The following GRID2 variants were observed in gnomAD, a reference collection of about 807,000 sequenced individuals.
The protein encoded by GRID2 is glutamate ionotropic receptor delta type subunit 2, also known as glutamate receptor ionotropic, delta-2.
A neutral mutation model predicts 114.8 loss-of-function variants in GRID2; 33 were observed. The observed-to-expected ratio is 0.29, with a 90% CI of 0.22 to 0.38. GRID2 has a LOEUF of 0.38. Among genes scored for constraint, GRID2 ranks in the 10% least tolerant of loss-of-function variants. The pLI is 1.00. For missense variants in GRID2, 1,184 were observed against 1,257.7 expected (o/e 0.94, Z 0.89); for synonymous variants, 505 against 449.9 (o/e 1.12, Z -1.55).
chr4:92,384,751 C>A (rs1729858833), intron 1 of GRID2, among the ~76,000 whole-genome samples: 1 of 137,624 alleles, frequency 7.3e-6, no homozygotes, highest in South Asian at 2.2e-4. Flanking sequence ...ATTAGTAAAA[C>A]TTCTGATAAA....
chr4:92,935,865 T>C lies in GRID2; in HGVS notation c.245-149130T>C, dbSNP rs547167365. On this transcript the variant is annotated intron_variant, in intron 2 of 15. Coordinates refer to ENST00000282020, the MANE Select transcript of GRID2 (RefSeq NM_001510.4). ...ACACATGGACACAGGAAGGGGAACA[T>C]CACACTCTGGGGACTGTTGTGGGGT... Among the ~76,000 whole-genome samples the C allele has an allele frequency of 1.4e-3, 171 of 125,382 alleles. 4 individuals are homozygous for C. The highest frequency in any genetic ancestry group is 4.7e-3 in the Admixed American group (46 of 9,708). The allele number at this position is 125,382 out of a possible 152,430, so 82.3% of individuals were successfully genotyped here.
intron 1 of GRID2, among the ~76,000 whole-genome samples, chr4:92,366,084 T>C (rs1372339858): frequency 6.6e-6 from 1 of 152,114 alleles, no homozygotes; most frequent in Non-Finnish European, 1.5e-5. Context: ...ATAGACACTA[T>C]GTCTTTTTTA....
intron 2 of GRID2, among the ~76,000 whole-genome samples, chr4:93,036,319 C>CA (rs1724929344): frequency 6.6e-6 from 1 of 152,076 alleles, no homozygotes; most frequent in Admixed American, 6.6e-5. Flanking sequence ...TAAAAATGAG[C>CA]ATTTACATAT....
chr4:92,467,445 T>C (rs1441149190), intron 1 of GRID2, among the ~76,000 whole-genome samples: 1 of 152,010 alleles, frequency 6.6e-6, no homozygotes, highest in South Asian at 2.1e-4. Flanking sequence ...TAGACTGATG[T>C]ACTACTACAC....
At chr4:93,451,003 CCT>C (rs1445470441) in intron 10 of GRID2, among the ~76,000 whole-genome samples, 2 of 151,612 alleles carry the variant, frequency 1.3e-5, no homozygotes, top group South Asian at 2.1e-4. Flanking sequence ...TATTTAAATA[CCT>C]CTCTCTGTTG....
intron 9 of GRID2, 28 bp from the exon 10 acceptor site, chr4:93,422,743 A>C: frequency 7.7e-6 from 11 of 1,423,852 alleles, no homozygotes; most frequent in Non-Finnish European, 1.1e-5. Context: ...ATAGATTGAC[A>C]TCAGAAATTT....
chr4:93,283,848 TG>T (rs1752889780), intron 8 of GRID2, among the ~76,000 whole-genome samples: 1 of 152,106 alleles, frequency 6.6e-6, no homozygotes, highest in Non-Finnish European at 1.5e-5. Flanking sequence ...TACATTCCAG[TG>T]GCCTTAGAGA....
chr4:93,776,524 G>A (rs1734373157), downstream of GRID2, among the ~76,000 whole-genome samples: 1 of 152,202 alleles, frequency 6.6e-6, no homozygotes, highest in African/African-American at 2.4e-5. Context: ...TTAGGAATGG[G>A]TCTGGGTGTG....
chr4:93,162,054 T>C (rs544189354), intron 4 of GRID2, among the ~76,000 whole-genome samples: 1 of 151,930 alleles, frequency 6.6e-6, no homozygotes, highest in East Asian at 1.9e-4. Context: ...AACATTTCTT[T>C]GGAACAGGCC....
chr4:92,998,657 T>C (rs568008332), intron 2 of GRID2, among the ~76,000 whole-genome samples: 10 of 151,764 alleles, frequency 6.6e-5, no homozygotes, highest in Non-Finnish European at 1.3e-4. Flanking sequence ...ATGTGTTTTC[T>C]GGGAAGAGGG....
chr4:93,071,818 G>A (rs1237079691), intron 2 of GRID2, among the ~76,000 whole-genome samples: 1 of 152,112 alleles, frequency 6.6e-6, no homozygotes, highest in Non-Finnish European at 1.5e-5. Context: ...TTTATGTAGT[G>A]TGTGTGCCTG....
chr4:93,030,064 C>T (rs1308117522), intron 2 of GRID2, among the ~76,000 whole-genome samples: 2 of 152,142 alleles, frequency 1.3e-5, no homozygotes, highest in African/African-American at 4.8e-5. Flanking sequence ...TTTAGTACTA[C>T]ATATGTAATA....
At chr4:93,124,481 A>G (rs1401141769) in intron 4 of GRID2, among the ~76,000 whole-genome samples, 2 of 152,158 alleles carry the variant, frequency 1.3e-5, no homozygotes, top group Non-Finnish European at 2.9e-5. Flanking sequence ...CCATTTCCAG[A>G]CCAAAACCAT....
At chr4:93,039,281 A>G (rs1253965697) in intron 2 of GRID2, among the ~76,000 whole-genome samples, 3 of 151,570 alleles carry the variant, frequency 2.0e-5, no homozygotes, top group Non-Finnish European at 4.4e-5. Flanking sequence ...GAACACATGG[A>G]CACAGGGAGG....
intron 2 of GRID2, among the ~76,000 whole-genome samples, chr4:92,824,315 C>T (rs1016295620): frequency 3.3e-5 from 5 of 151,992 alleles, no homozygotes; most frequent in African/African-American, 1.2e-4. Context: ...TTTATTATCT[C>T]CAAATGTTTA....
intron 1 of GRID2, among the ~76,000 whole-genome samples, chr4:92,386,370 A>T (rs922077762): frequency 6.6e-6 from 1 of 151,760 alleles, no homozygotes; most frequent in Non-Finnish European, 1.5e-5. Context: ...CCTTAAAGGA[A>T]AACTAGGGCT....
chr4:92,794,025 G>A (rs1228824113), intron 2 of GRID2, among the ~76,000 whole-genome samples: 2 of 151,906 alleles, frequency 1.3e-5, no homozygotes, highest in African/African-American at 2.4e-5. Context: ...CTGGAATGCC[G>A]ATTAGTGGCC....
At chr4:92,809,168 A>AT (rs1740552043) in intron 2 of GRID2, among the ~76,000 whole-genome samples, 1 of 151,948 alleles carries the variant, frequency 6.6e-6, no homozygotes, top group Non-Finnish European at 1.5e-5. Flanking sequence ...TAGAACAAAC[A>AT]TTTTAAGAGA....
intron 4 of GRID2, among the ~76,000 whole-genome samples, chr4:93,163,253 C>G (rs1424128545): frequency 2.0e-5 from 3 of 149,788 alleles, no homozygotes; most frequent in Non-Finnish European, 4.4e-5. Context: ...GTGCATTAAT[C>G]TAAGAACATT....
Sources: gnomAD v4.1 joint callset for allele counts (sites outside exome capture counted in the v4.1 genomes callset) on GRCh38, gnomAD v4.1.1 for gene constraint, MANE v1.5 for transcripts, NCBI Gene and HGNC (gene_info 2026-07-23, HGNC 2026-07-21) for gene names.